Variants in NXPH2 observed in about 807,000 individuals in gnomAD.
NXPH2 encodes the protein neurexophilin 2, also known as neurexophilin-2.
NXPH2 carries 5 observed loss-of-function variants against 19.8 expected under a neutral mutation model. The ratio of observed to expected loss-of-function variants is 0.25; its 90% CI spans 0.13 to 0.53. NXPH2 has a LOEUF of 0.53. Ranked by LOEUF, NXPH2 falls within the 20% of genes least tolerant of loss-of-function variation. The pLI, the probability that NXPH2 is intolerant of heterozygous loss-of-function variation, is 0.96. For synonymous variants in NXPH2, 154 were observed against 127.4 expected, an observed-to-expected ratio of 1.21 and a Z score of -1.41; for missense variants, 289 against 322.8, an observed-to-expected ratio of 0.90 and a Z score of 0.80.
intron 1 of NXPH2, among the ~76,000 whole-genome samples, chr2:138,736,551 C>A (rs1681542272): frequency 6.6e-6 from 1 of 152,136 alleles, no homozygotes; most frequent in South Asian, 2.1e-4. Context: ...TTTTTCCTCC[C>A]AGGCTTCTGG....
intron 1 of NXPH2, among the ~76,000 whole-genome samples, chr2:138,688,711 A>C (rs1680700508): frequency 6.6e-6 from 1 of 152,220 alleles, no homozygotes; most frequent in South Asian, 2.1e-4. Context: ...CAAAAATGAA[A>C]CTTGAAATCA....
chr2:138,742,832 A>G (rs888491485), intron 1 of NXPH2, among the ~76,000 whole-genome samples: 21 of 152,346 alleles, frequency 1.4e-4, no homozygotes, highest in African/African-American at 5.0e-4. Flanking sequence ...CTAGGTATCC[A>G]GGAGGTCTAG....
intron 1 of NXPH2, among the ~76,000 whole-genome samples, chr2:138,757,613 T>A (rs1401058432): frequency 2.0e-5 from 3 of 152,066 alleles, no homozygotes; most frequent in Non-Finnish European, 2.9e-5. Context: ...CCCTGTGGAA[T>A]TCATGCTGCA....
intron 1 of NXPH2, among the ~76,000 whole-genome samples, chr2:138,684,225 A>G (rs1680616259): frequency 6.6e-6 from 1 of 152,150 alleles, no homozygotes; most frequent in Admixed American, 6.5e-5. Context: ...GCAGCAATAA[A>G]CCTAGGAATC....
At chr2:138,677,457 G>A (rs779766585) in intron 1 of NXPH2, among the ~76,000 whole-genome samples, 17 of 152,080 alleles carry the variant, frequency 1.1e-4, no homozygotes, top group Non-Finnish European at 1.8e-4. Context: ...CTTTTTCTGC[G>A]TCTTACAGAA....
chr2:138,710,805 T>C (rs1043889041), intron 1 of NXPH2, among the ~76,000 whole-genome samples: 3 of 152,184 alleles, frequency 2.0e-5, no homozygotes, highest in African/African-American at 7.2e-5. Context: ...TTTTCCACCC[T>C]GCTGAAGCAG....
chr2:138,694,763 C>T (rs898537570), intron 1 of NXPH2, among the ~76,000 whole-genome samples: 5 of 152,284 alleles, frequency 3.3e-5, no homozygotes, highest in Admixed American at 3.3e-4. Flanking sequence ...ACACATTCAA[C>T]AGAATATCAA....
chr2:138,684,011 A>G (rs937924592), intron 1 of NXPH2, among the ~76,000 whole-genome samples: 20 of 152,244 alleles, frequency 1.3e-4, no homozygotes, highest in Admixed American at 1.3e-3. Context: ...AACTGAAAAT[A>G]TAAATGCCTA....
At chr2:138,774,881 A>G (rs1682236048) in intron 1 of NXPH2, among the ~76,000 whole-genome samples, 1 of 152,256 alleles carries the variant, frequency 6.6e-6, no homozygotes, top group Admixed American at 6.5e-5. Context: ...GGAAACATTT[A>G]AAATATCCTT....
intron 1 of NXPH2, among the ~76,000 whole-genome samples, chr2:138,688,278 G>T (rs542497444): frequency 6.6e-6 from 1 of 152,130 alleles, no homozygotes; most frequent in African/African-American, 2.4e-5. Context: ...CCGCCTTCCG[G>T]GTTCAAGCCA....
At chr2:138,764,286 G>T (rs938046886) in intron 1 of NXPH2, among the ~76,000 whole-genome samples, 6 of 152,164 alleles carry the variant, frequency 3.9e-5, no homozygotes, top group African/African-American at 1.4e-4. Flanking sequence ...GGATACTTAA[G>T]AGAAAATCTG....
At chr2:138,771,047 T>G (rs1332643579) in intron 1 of NXPH2, among the ~76,000 whole-genome samples, 1 of 152,118 alleles carries the variant, frequency 6.6e-6, no homozygotes, top group Non-Finnish European at 1.5e-5. Context: ...ATACCTTATA[T>G]TGGTACAATC....
intron 1 of NXPH2, among the ~76,000 whole-genome samples, chr2:138,740,295 A>C (rs893339249): frequency 6.6e-6 from 1 of 152,232 alleles, no homozygotes; most frequent in Admixed American, 6.5e-5. Flanking sequence ...AGTTAACAAC[A>C]TGAAGTAAAG....
intron 1 of NXPH2, among the ~76,000 whole-genome samples, chr2:138,766,098 C>T (rs780390867): frequency 1.2e-4 from 18 of 152,130 alleles, no homozygotes; most frequent in Non-Finnish European, 2.5e-4. Context: ...CATTTATTAC[C>T]CTCAAAAAGG....
At chr2:138,705,697 A>G (rs1680997589) in intron 1 of NXPH2, among the ~76,000 whole-genome samples, 1 of 152,204 alleles carries the variant, frequency 6.6e-6, no homozygotes, top group Non-Finnish European at 1.5e-5. Context: ...CTCTGTTAAA[A>G]TTCTTGTTTC....
chr2:138,679,874 C>A (rs1342042994), intron 1 of NXPH2, among the ~76,000 whole-genome samples: 3 of 152,126 alleles, frequency 2.0e-5, no homozygotes, highest in Non-Finnish European at 4.4e-5. Context: ...TACCTGCAAT[C>A]ACAGGAATAT....
rs565218865 is a variant in NXPH2 at position 138,758,525 on chromosome 2, G to A, written c.51+21666C>T. On this transcript the variant is annotated intron_variant, in intron 1 of 1. Coordinates refer to ENST00000272641, the MANE Select transcript of NXPH2 (RefSeq NM_007226.3). ...AGTTCAATTTCCTGCTCCCAAGCCAGTGTTCCACTCACAATAGTGTTTCTC... is the reference window on the plus strand; with the variant it reads ...AGTTCAATTTCCTGCTCCCAAGCCAATGTTCCACTCACAATAGTGTTTCTC... Among the ~76,000 whole-genome samples, 24 of 152,336 alleles carry A rather than the reference G, an allele frequency of 1.6e-4. No individual in the cohort carries two copies. The South Asian group carries it at 4.8e-3, about 30-fold the overall frequency.
At chr2:138,767,044 A>C (rs904732859) in intron 1 of NXPH2, among the ~76,000 whole-genome samples, 1 of 152,208 alleles carries the variant, frequency 6.6e-6, no homozygotes, top group African/African-American at 2.4e-5. Context: ...ATGCTTGCCC[A>C]CTTTTACCTC....
rs571573624 is a variant in NXPH2 at position 138,713,781 on chromosome 2, A to G, written c.52-42116T>C. On this transcript the variant is annotated intron_variant, in intron 1 of 1. Coordinates refer to ENST00000272641, the MANE Select transcript of NXPH2 (RefSeq NM_007226.3). ...CTTCTCCAGCCTTTTGTTTCGCACC[A>G]AATCACAACGTACTCATCAGGGGAA... Among the ~76,000 whole-genome samples, 5 of 152,272 alleles carry G rather than the reference A, an allele frequency of 3.3e-5. No homozygotes were observed. In the East Asian group the frequency reaches 9.7e-4, roughly 29 times the overall value.
Sources: gnomAD v4.1 joint callset for allele counts (sites outside exome capture counted in the v4.1 genomes callset) on GRCh38, gnomAD v4.1.1 for gene constraint, MANE v1.5 for transcripts, NCBI Gene and HGNC (gene_info 2026-07-23, HGNC 2026-07-21) for gene names.